LRRC4C: variants seen among roughly 807,000 people sequenced by gnomAD.
LRRC4C encodes the protein leucine-rich repeat-containing protein 4C.
A neutral mutation model predicts 33.6 loss-of-function variants in LRRC4C; 5 were observed. The observed-to-expected ratio is 0.15, with a 90% CI of 0.08 to 0.31. The LOEUF is 0.31. LRRC4C is among the 10% of genes least tolerant of loss of function. LRRC4C has a pLI of 1.00. For synonymous variants in LRRC4C, 329 were observed against 302.0 expected (o/e 1.09, Z -0.93); for missense variants, 560 against 796.7 (o/e 0.70, Z 3.58).
chr11:40,605,177 G>A (rs1357478749), intron 3 of LRRC4C, among the ~76,000 whole-genome samples: 1 of 152,162 alleles, frequency 6.6e-6, no homozygotes, highest in African/African-American at 2.4e-5. Flanking sequence ...CCTTCTGTAA[G>A]AGTAGCATCA....
chr11:40,416,289 C>T (rs995872899), intron 3 of LRRC4C, among the ~76,000 whole-genome samples: 23 of 152,150 alleles, frequency 1.5e-4, no homozygotes, highest in Admixed American at 7.2e-4. Context: ...GAAGTTAGAA[C>T]GTCTTGCCAA....
chr11:40,834,997 C>T (rs1334751934), intron 2 of LRRC4C, among the ~76,000 whole-genome samples: 1 of 149,064 alleles, frequency 6.7e-6, no homozygotes, highest in Non-Finnish European at 1.5e-5. Flanking sequence ...TTGCATGCAC[C>T]CTTTCTAACT....
chr11:40,534,358 AAAT>A (rs1416466099), intron 3 of LRRC4C, among the ~76,000 whole-genome samples: 1 of 152,188 alleles, frequency 6.6e-6, no homozygotes. Flanking sequence ...TAGTACTTAA[AAAT>A]AATAATACAA....
At chr11:41,363,972 A>G (rs1047454384) in intron 1 of LRRC4C, among the ~76,000 whole-genome samples, 1 of 152,170 alleles carries the variant, frequency 6.6e-6, no homozygotes, top group Non-Finnish European at 1.5e-5. Context: ...AAAACCCCAT[A>G]AGGAGTTAAA....
chr11:40,642,391 T>A (rs2136096624), intron 3 of LRRC4C, among the ~76,000 whole-genome samples: 1 of 152,278 alleles, frequency 6.6e-6, no homozygotes, highest in South Asian at 2.1e-4. Context: ...TTGGAAGACA[T>A]AAAACAGATT....
intron 5 of LRRC4C, among the ~76,000 whole-genome samples, chr11:40,189,106 G>A (rs975505848): frequency 1.2e-4 from 18 of 152,138 alleles, no homozygotes; most frequent in African/African-American, 4.3e-4. Context: ...TAAGATTTAG[G>A]TCACCCACCT....
chr11:40,282,772 C>T (rs1375614791), intron 4 of LRRC4C, among the ~76,000 whole-genome samples: 1 of 152,112 alleles, frequency 6.6e-6, no homozygotes, highest in East Asian at 1.9e-4. Context: ...TCTGCTGCTC[C>T]TCAGGAGAGA....
chr11:40,158,299 C>A (rs758414595), intron 5 of LRRC4C, among the ~76,000 whole-genome samples: 7 of 151,980 alleles, frequency 4.6e-5, no homozygotes, highest in Non-Finnish European at 1.0e-4. Context: ...TAAAAGACTA[C>A]AAATATGGTG....
intron 3 of LRRC4C, among the ~76,000 whole-genome samples, chr11:40,587,736 T>G (rs2135707818): frequency 6.6e-6 from 1 of 152,210 alleles, no homozygotes; most frequent in South Asian, 2.1e-4. Flanking sequence ...GAGATAATCA[T>G]GTGGTTTTTG....
chr11:41,399,193 G>A (rs1953934727), intron 1 of LRRC4C, among the ~76,000 whole-genome samples: 1 of 151,936 alleles, frequency 6.6e-6, no homozygotes, highest in Admixed American at 6.6e-5. Flanking sequence ...TCTTCATGGA[G>A]TTGATTTAAG....
chr11:40,212,000 A>G (rs986995754), intron 5 of LRRC4C, among the ~76,000 whole-genome samples: 6 of 152,196 alleles, frequency 3.9e-5, no homozygotes, highest in Non-Finnish European at 7.3e-5. Flanking sequence ...TCCATGGGAC[A>G]GAATAAACCC....
chr11:40,558,769 C>T (rs1957428263), intron 3 of LRRC4C, among the ~76,000 whole-genome samples: 9 of 152,088 alleles, frequency 5.9e-5, no homozygotes, highest in Admixed American at 5.9e-4. Context: ...AAACACGTGT[C>T]ATGGGGGTTT....
intron 2 of LRRC4C, among the ~76,000 whole-genome samples, chr11:40,802,250 A>G (rs1951071123): frequency 6.6e-6 from 1 of 151,634 alleles, no homozygotes; most frequent in African/African-American, 2.4e-5. Context: ...AAATTATCTT[A>G]TGGGGTTGTT....
intron 3 of LRRC4C, among the ~76,000 whole-genome samples, chr11:40,575,696 A>T (rs188634726): frequency 6.6e-6 from 1 of 152,214 alleles, no homozygotes; most frequent in African/African-American, 2.4e-5. Flanking sequence ...TCTAAGATTT[A>T]GTATTCCATA....
At chr11:40,628,900 A>G (rs375886274) in intron 3 of LRRC4C, among the ~76,000 whole-genome samples, 5 of 152,218 alleles carry the variant, frequency 3.3e-5, no homozygotes, top group African/African-American at 1.2e-4. Flanking sequence ...ATTTTCTTAT[A>G]TAATTATGCT....
At chr11:40,683,793 A>C (rs1944820148) in intron 2 of LRRC4C, among the ~76,000 whole-genome samples, 1 of 152,220 alleles carries the variant, frequency 6.6e-6, no homozygotes, top group African/African-American at 2.4e-5. Context: ...AAGAATAGAA[A>C]AATCCACCCA....
At chr11:41,127,148 C>A (rs540090640) in intron 1 of LRRC4C, among the ~76,000 whole-genome samples, 291 of 152,076 alleles carry the variant, frequency 1.9e-3, no homozygotes, top group African/African-American at 6.7e-3. Context: ...ATGTACCACA[C>A]TTTGCTAATA....
intron 1 of LRRC4C, among the ~76,000 whole-genome samples, chr11:41,328,044 C>T (rs2958847): frequency 0.39 from 59,133 of 152,054 alleles, 12,841 homozygotes; most frequent in Non-Finnish European, 0.48. Context: ...GTCCTGGCCT[C>T]TCACAGGTAG....
chr11:41,277,542 T>C (rs1949522471), intron 1 of LRRC4C, among the ~76,000 whole-genome samples: 1 of 152,146 alleles, frequency 6.6e-6, no homozygotes, highest in African/African-American at 2.4e-5. Context: ...ACCAGTAATC[T>C]TTGCTTTGCT....
Sources: gnomAD v4.1 joint callset for allele counts (sites outside exome capture counted in the v4.1 genomes callset) on GRCh38, gnomAD v4.1.1 for gene constraint, MANE v1.5 for transcripts, NCBI Gene and HGNC (gene_info 2026-07-23, HGNC 2026-07-21) for gene names.